NR2C1: variants seen among roughly 807,000 people sequenced by gnomAD.
NR2C1 encodes the protein TR2 nuclear hormone receptor.
NR2C1 carries 33 observed loss-of-function variants against 74.8 expected under a neutral mutation model. The observed-to-expected ratio is 0.44, with a 90% CI of 0.33 to 0.59. The LOEUF (loss-of-function observed/expected upper bound fraction) is 0.59, where lower values mean the gene tolerates loss of function less well. Ranked by LOEUF, NR2C1 falls within the 20% of genes least tolerant of loss-of-function variation. The pLI, the probability that NR2C1 is intolerant of heterozygous loss-of-function variation, is 0.02. For missense variants in NR2C1, 568 were observed against 715.6 expected, an observed-to-expected ratio of 0.79 and a Z score of 2.35; for synonymous variants, 225 against 240.6, an observed-to-expected ratio of 0.94 and a Z score of 0.60.
At chr12:95,044,864 A>T (rs940598687) in intron 9 of NR2C1, among the ~76,000 whole-genome samples, 1 of 152,170 alleles carries the variant, frequency 6.6e-6, no homozygotes, top group African/African-American at 2.4e-5. Context: ...CCTGGGCTAT[A>T]GAGCCAGTCT....
At chr12:95,041,913 CTAGAGAAAAGAA>C (rs1243376485) in intron 9 of NR2C1, among the ~76,000 whole-genome samples, 1 of 152,048 alleles carries the variant, frequency 6.6e-6, no homozygotes, top group African/African-American at 2.4e-5. Flanking sequence ...ATTTCTATCA[CTAGAGAAAAGAA>C]TAATCCATGC....
chr12:95,025,658 T>TAA (rs11291964), intron 12 of NR2C1, among the ~76,000 whole-genome samples: 13,287 of 86,384 alleles, frequency 0.15, 1,275 homozygotes, highest in Non-Finnish European at 0.21. Context: ...AACTCTGTCT[T>TAA]AAAAAAAAAA....
Position 95,062,565 on chromosome 12 carries a change from T to A in NR2C1, c.228A>T (p.Ala76=), listed in dbSNP as rs1403519577. The part of the protein sequence containing the change: ...PGKVFLTTPD[A]AGVNQLFFTT... ...TAAAAAATAACTGGTTGACACCTGC[T>A]GCATCTGGAGTTGTAAGGAAAACTT... Residue 76 remains alanine, a synonymous_variant, in exon 3 of 14, where the codon GCA becomes GCT. Coordinates refer to ENST00000333003, the MANE Select transcript of NR2C1 (RefSeq NM_003297.4). The A allele has an allele frequency of 6.2e-7, 1 of 1,613,832 alleles. No homozygotes were observed. The highest frequency in any genetic ancestry group is 8.5e-7 in the Non-Finnish European group (1 of 1,179,826).
At position 95,041,174 on chromosome 12, in the gene NR2C1, G is replaced by A. The variant is rs75716446; in HGVS notation, c.1132-577C>T. 8.3e-4 allele frequency among the ~76,000 whole-genome samples: 126 copies of A among 152,200 alleles called. 1 individual carries two copies. The East Asian group carries it at 0.022, about 26-fold the overall frequency. ...TTCAGTTTTTCAAAGAGCACATTCT[G>A]TGTGAAACCTCCCTATTTAAAAAAA... On this transcript the variant is annotated intron_variant, in intron 9 of 13. Coordinates refer to ENST00000333003, the MANE Select transcript of NR2C1 (RefSeq NM_003297.4).
chr12:95,040,483 C>A lies in NR2C1; in HGVS notation c.1246G>T (p.Ala416Ser). The change falls in exon 10 of 14, where the codon GCT (alanine) becomes TCT (serine). Residue 416 changes from alanine to serine, a missense_variant. Transcript: ENST00000333003. ...AGATTTCAAAACACTCACCCTAGAGCCTGGAAAGAAGGAATCGAAAGTGCC... is the reference window on the plus strand; with the variant it reads ...AGATTTCAAAACACTCACCCTAGAGACTGGAAAGAAGGAATCGAAAGTGCC... ...HWALSIPSFQ[A>S]LGQENSISLV... The A allele has an allele frequency of 1.2e-6, 2 of 1,613,276 alleles. No homozygotes were observed. The highest frequency in any genetic ancestry group is 1.7e-6 in the Non-Finnish European group (2 of 1,179,492).
At chr12:95,045,893 C>T (rs1439329108) in intron 9 of NR2C1, among the ~76,000 whole-genome samples, 1 of 151,962 alleles carries the variant, frequency 6.6e-6, no homozygotes, top group Non-Finnish European at 1.5e-5. Flanking sequence ...GGCTGGAAGG[C>T]AGTGATGCAA....
intron 7 of NR2C1, among the ~76,000 whole-genome samples, chr12:95,055,885 G>A (rs1049945517): frequency 2.7e-5 from 4 of 148,852 alleles, no homozygotes; most frequent in Admixed American, 6.8e-5. Flanking sequence ...CCCAGGAGGC[G>A]GAGGCTGCAG....
chr12:95,062,829 T>C (rs1875001032), intron 2 of NR2C1, 91 bp from the exon 3 acceptor site: 3 of 920,756 alleles, frequency 3.3e-6, no homozygotes, highest in East Asian at 2.6e-5. Context: ...TACATATATA[T>C]TCAATATAAC....
At chr12:95,064,673 C>T (rs1320109647) in intron 2 of NR2C1, among the ~76,000 whole-genome samples, 1 of 152,198 alleles carries the variant, frequency 6.6e-6, no homozygotes, top group African/African-American at 2.4e-5. Context: ...TTCATGAATA[C>T]ACAGAACTAT....
intron 8 of NR2C1, 197 bp from the exon 9 acceptor site, chr12:95,049,430 T>C (rs1012778944): frequency 1.2e-5 from 5 of 424,196 alleles, no homozygotes; most frequent in African/African-American, 1.0e-4. Context: ...AAAGTCTCTT[T>C]TTAAAATCTT....
At chr12:95,064,348 A>G (rs1034591416) in intron 2 of NR2C1, among the ~76,000 whole-genome samples, 30 of 140,468 alleles carry the variant, frequency 2.1e-4, no homozygotes, top group African/African-American at 7.4e-4. Context: ...AAAAAAAAAA[A>G]GTTCAGAAGT....
Position 95,060,530 on chromosome 12 carries a change from C to T in NR2C1, c.286-546G>A, listed in dbSNP as rs531479296. ...ATTAGCTGGGTGTGGTGGAGAGTGC[C>T]TGTAATCCCAGCTACTTGGGAGGCT... On this transcript the variant is annotated intron_variant, in intron 3 of 13. Coordinates refer to ENST00000333003, the MANE Select transcript of NR2C1 (RefSeq NM_003297.4). Among the ~76,000 whole-genome samples, 13 of 152,302 alleles carry T rather than the reference C, an allele frequency of 8.5e-5. No homozygotes were observed. The East Asian group carries it at 1.9e-3, about 23-fold the overall frequency.
intron 3 of NR2C1, among the ~76,000 whole-genome samples, chr12:95,060,344 C>A (rs1023300232): frequency 2.0e-5 from 3 of 152,160 alleles, no homozygotes; most frequent in African/African-American, 7.2e-5. Flanking sequence ...GCAAAGGAAA[C>A]TAGTTTCTTC....
chr12:95,054,983 T>G (rs935211093), intron 7 of NR2C1, among the ~76,000 whole-genome samples: 2 of 152,174 alleles, frequency 1.3e-5, no homozygotes, highest in African/African-American at 4.8e-5. Flanking sequence ...CCTTCAAGCA[T>G]CTGTTTAACA....
At chr12:95,030,253 C>T (rs1299584573) in intron 11 of NR2C1, among the ~76,000 whole-genome samples, 2 of 152,120 alleles carry the variant, frequency 1.3e-5, no homozygotes, top group Non-Finnish European at 2.9e-5. Flanking sequence ...ACTAAAAGTA[C>T]ATAAGACTCA....
chr12:95,048,786 G>C (rs1474458497), intron 9 of NR2C1, among the ~76,000 whole-genome samples: 1 of 151,890 alleles, frequency 6.6e-6, no homozygotes, highest in Non-Finnish European at 1.5e-5. Flanking sequence ...CATCACACCT[G>C]GCTGATTTTG....
At chr12:95,059,602 T>C (rs1310954900) in intron 4 of NR2C1, among the ~76,000 whole-genome samples, 1 of 151,938 alleles carries the variant, frequency 6.6e-6, no homozygotes, top group African/African-American at 2.4e-5. Flanking sequence ...CCCCAGCTCC[T>C]TGGGAGGCCG....
intron 7 of NR2C1, 128 bp downstream of exon 7, chr12:95,057,425 A>G (rs898614637): frequency 3.2e-6 from 1 of 307,752 alleles, no homozygotes. Context: ...AATTTATATT[A>G]AAAAAAAAAA....
At chr12:95,059,503 C>G (rs844333) in intron 4 of NR2C1, among the ~76,000 whole-genome samples, 105,444 of 151,758 alleles carry the variant, frequency 0.69, 36,880 homozygotes, top group African/African-American at 0.75. Context: ...CCTGAGGTCA[C>G]GAGTTTGAGA....
Sources: allele counts gnomAD v4.1 joint callset (sites outside exome capture counted in the v4.1 genomes callset), GRCh38; gene constraint gnomAD v4.1.1; transcripts MANE v1.5; gene names NCBI Gene and HGNC (gene_info 2026-07-23, HGNC 2026-07-21).